DISP3: variants seen among roughly 807,000 people sequenced by gnomAD.
DISP3 encodes the protein protein dispatched homolog 3.
A neutral mutation model predicts 135.3 loss-of-function variants in DISP3; 101 were observed. That is an observed-to-expected ratio of 0.75 (90% confidence interval 0.64 to 0.88). The LOEUF is 0.88. Among genes scored for constraint, DISP3 ranks in the 40% least tolerant of loss-of-function variants. The probability of loss-of-function intolerance (pLI) is 0.00; values close to 1 mark genes in which losing one functional copy is unlikely to be tolerated. For synonymous variants in DISP3, 856 were observed against 817.0 expected, an observed-to-expected ratio of 1.05 and a Z score of -0.81; for missense variants, 1,713 against 1,878.6, an observed-to-expected ratio of 0.91 and a Z score of 1.63.
chr1:11,522,629 G>A (rs866340387), intron 10 of DISP3, among the ~76,000 whole-genome samples: 293 of 25,604 alleles, frequency 0.011, 6 homozygotes, highest in East Asian at 0.023. Flanking sequence ...CCCAGCCAGA[G>A]CCCAGCCAGA....
At position 11,501,397 on chromosome 1, in the gene DISP3, G is replaced by A; in HGVS notation, c.405G>A (p.Arg135=). The change falls in exon 2 of 21, where the codon CGG becomes CGA. Residue 135 remains arginine (R), a synonymous_variant. Coordinates refer to ENST00000294484, the MANE Select transcript of DISP3 (RefSeq NM_020780.2). The surrounding 1 kb of genome is among the most constrained non-coding windows in gnomAD (Gnocchi z 4.9). ...ALKSQFGSWG[R]NRRDLADFTS... ...AGTCCCAGTTTGGATCCTGGGGGCG[G>A]AACCGGCGCGATTTGGCCGACTTCA... 1 of 1,600,454 alleles carries A rather than the reference G, an allele frequency of 6.2e-7. No homozygotes were observed. The highest frequency in any genetic ancestry group is 8.5e-7 in the Non-Finnish European group (1 of 1,173,598).
Position 11,536,211 on chromosome 1 carries a change from A to C in DISP3, c.3817-113A>C. The C allele has an allele frequency of 7.0e-7, 1 of 1,425,648 alleles. No individual in the cohort carries two copies. The highest frequency in any genetic ancestry group is 9.2e-7 in the Non-Finnish European group (1 of 1,083,404). 88.3% of individuals were successfully genotyped at this position (1,425,648 alleles called of 1,614,324 possible). ...CCCTGGGAGGCCACTTGCAGCTCTC[A>C]TCCCAGTAACAGAGCAGGAACCTGG... On this transcript the variant is annotated intron_variant, in intron 20 of 20. Transcript: ENST00000294484. This position sits in a 1 kb window ranked among gnomAD's most constrained non-coding sequence, Gnocchi z 4.3.
intron 1 of DISP3, among the ~76,000 whole-genome samples, chr1:11,487,593 C>T (rs1415055370): frequency 6.6e-6 from 1 of 152,248 alleles, no homozygotes. Context: ...GCTTATTTCT[C>T]CCTCTGCAGA....
At chr1:11,532,011 A>AG (rs796782948) in intron 17 of DISP3, among the ~76,000 whole-genome samples, 14 of 152,112 alleles carry the variant, frequency 9.2e-5, no homozygotes, top group African/African-American at 3.4e-4. Context: ...TCTGGTCTGT[A>AG]GGGGCCGGTG....
chr1:11,531,660 G>A lies in DISP3; in HGVS notation c.3325G>A (p.Val1109Met), dbSNP rs1485854308. The change falls in exon 17 of 21, where the codon GTG becomes ATG. Residue 1109 changes from valine to methionine, a missense_variant. By Grantham distance (21) the Val-to-Met change is conservative. This residue lies in a region of DISP3 where 1,142 missense variants were observed against 1,384.6 expected (regional missense o/e 0.82). Coordinates refer to ENST00000294484, the MANE Select transcript of DISP3 (RefSeq NM_020780.2). The surrounding 1 kb of genome is among the most constrained non-coding windows in gnomAD (Gnocchi z 5.2). ...LLPGQLSHGA[V>M]GVREGRVQWI... Reference sequence around the variant, plus strand: ...CCCGGGGCAGCTGTCCCACGGGGCAGTGGGCGTCAGGGAGGGCCGCGTGCA... The same window carrying A: ...CCCGGGGCAGCTGTCCCACGGGGCAATGGGCGTCAGGGAGGGCCGCGTGCA... 3 of 1,612,816 alleles carry A rather than the reference G, an allele frequency of 1.9e-6. No individual in the cohort carries two copies. The highest frequency in any genetic ancestry group is 1.3e-5 in the African/African-American group (1 of 74,918).
chr1:11,528,837 A>C (rs1181014583), intron 13 of DISP3, among the ~76,000 whole-genome samples: 1 of 152,180 alleles, frequency 6.6e-6, no homozygotes, highest in East Asian at 1.9e-4. Flanking sequence ...GGAGTGTCAA[A>C]CACCCACAGG....
At chr1:11,528,529 A>C (rs973514836) in intron 13 of DISP3, among the ~76,000 whole-genome samples, 2 of 152,212 alleles carry the variant, frequency 1.3e-5, no homozygotes, top group Non-Finnish European at 2.9e-5. Context: ...CGAGCTGTCT[A>C]GTGGGAGACA....
At chr1:11,528,562 A>G (rs1035800152) in intron 13 of DISP3, among the ~76,000 whole-genome samples, 1 of 152,228 alleles carries the variant, frequency 6.6e-6, no homozygotes, top group Non-Finnish European at 1.5e-5. Context: ...GTAAACAGCG[A>G]TATCATTACA....
chr1:11,532,926 G>C (rs1306858779), intron 17 of DISP3, among the ~76,000 whole-genome samples: 1 of 151,970 alleles, frequency 6.6e-6, no homozygotes, highest in Non-Finnish European at 1.5e-5. Context: ...GGCGGGTCTC[G>C]AACTCCTGAC....
At chr1:11,514,604 T>C in intron 4 of DISP3, 78 bp downstream of exon 4, 1 of 1,510,242 alleles carries the variant, frequency 6.6e-7, no homozygotes, top group Non-Finnish European at 9.1e-7. Flanking sequence ...TTCTCAAGAA[T>C]GCTGCAATAC....
intron 3 of DISP3, among the ~76,000 whole-genome samples, chr1:11,505,819 T>C (rs1307939901): frequency 6.6e-6 from 1 of 152,254 alleles, no homozygotes; most frequent in Non-Finnish European, 1.5e-5. Flanking sequence ...TGTGTTCATT[T>C]ATATTTATTC....
intron 1 of DISP3, among the ~76,000 whole-genome samples, chr1:11,490,949 C>G (rs1641166664): frequency 6.6e-6 from 1 of 152,284 alleles, no homozygotes; most frequent in South Asian, 2.1e-4. Context: ...GATAGTAAGC[C>G]CTTGGACTTC....
Position 11,491,350 on chromosome 1 carries a change from G to A in DISP3, c.-3-9640G>A, listed in dbSNP as rs748560728. 6.6e-6 allele frequency among the ~76,000 whole-genome samples: 1 copy of A among 152,162 alleles called. No individual in the cohort carries two copies. The highest frequency in any genetic ancestry group is 1.5e-5 in the Non-Finnish European group (1 of 68,034). Reference sequence around the variant, plus strand: ...TTGGGCATGGTGGCTGACACCTACTGTAATTCCAACAGTTTGGGAGACTGG... The same window carrying A: ...TTGGGCATGGTGGCTGACACCTACTATAATTCCAACAGTTTGGGAGACTGG... On this transcript the variant is annotated intron_variant, in intron 1 of 20. Coordinates refer to ENST00000294484, the MANE Select transcript of DISP3 (RefSeq NM_020780.2). This position sits in a 1 kb window ranked among gnomAD's most constrained non-coding sequence, Gnocchi z 4.3.
At position 11,531,645 on chromosome 1, in the gene DISP3, C is replaced by G; in HGVS notation, c.3310C>G (p.Leu1104Val). The G allele has an allele frequency of 6.2e-7, 1 of 1,613,306 alleles. No homozygotes were observed. The highest frequency in any genetic ancestry group is 8.5e-7 in the Non-Finnish European group (1 of 1,179,828). Residue 1104 changes from leucine (L) to valine (V), a missense_variant, in exon 17 of 21, where the codon CTG (leucine) becomes GTG (valine). Transcript: ENST00000294484. The surrounding 1 kb of genome is among the most constrained non-coding windows in gnomAD (Gnocchi z 5.2). ...CGAGCCCAACCTGCTCCCGGGGCAG[C>G]TGTCCCACGGGGCAGTGGGCGTCAG... is the stretch of plus-strand genomic sequence containing the variant. Reference protein sequence around the residue: ...LPEPNLLPGQLSHGAVGVREG... With the variant: ...LPEPNLLPGQVSHGAVGVREG...
At chr1:11,481,423 C>T (rs1283875834) in intron 1 of DISP3, 1 of 152,204 alleles carries the variant, frequency 6.6e-6, no homozygotes, top group Non-Finnish European at 1.5e-5. Flanking sequence ...CTGGAACCCC[C>T]CTCGAGATCT....
intron 12 of DISP3, among the ~76,000 whole-genome samples, chr1:11,526,057 C>T (rs928233360): frequency 6.6e-6 from 1 of 152,184 alleles, no homozygotes; most frequent in Non-Finnish European, 1.5e-5. Flanking sequence ...GGTACACACC[C>T]TCCATGGTGA....
chr1:11,485,019 T>TTTC (rs1364829646), intron 1 of DISP3, among the ~76,000 whole-genome samples: 1 of 152,040 alleles, frequency 6.6e-6, no homozygotes, highest in Non-Finnish European at 1.5e-5. Context: ...CCATTGAAAG[T>TTTC]AATGGCAAAA....
rs144083231 is a variant in DISP3, at chr1:11,528,867, G to C, written c.2799-689G>C. On this transcript the variant is annotated intron_variant, in intron 13 of 20. Coordinates refer to ENST00000294484, the MANE Select transcript of DISP3 (RefSeq NM_020780.2). Reference sequence around the variant, plus strand: ...CACAGGAGCCTGAACTCTGCATGGGGCTGAGGGCTGCAGCTTGGAGGCCAG... The same window carrying C: ...CACAGGAGCCTGAACTCTGCATGGGCCTGAGGGCTGCAGCTTGGAGGCCAG... Among the ~76,000 whole-genome samples the C allele has an allele frequency of 8.5e-5, 13 of 152,340 alleles. 1 individual carries two copies. The East Asian group carries it at 2.5e-3, about 29-fold the overall frequency.
At position 11,531,798 on chromosome 1, in the gene DISP3, G is replaced by C. The variant is rs1642583653; in HGVS notation, c.3375+88G>C. The C allele has an allele frequency of 2.7e-6, 4 of 1,491,986 alleles. No homozygotes were observed. Among genetic ancestry groups the C allele is most frequent in the African/African-American group, 1.4e-5 (1 of 71,362 alleles). 92.4% of individuals were successfully genotyped at this position (1,491,986 alleles called of 1,614,324 possible). A position where few individuals can be genotyped will look rare whatever the true frequency, so the allele number is the denominator to read the frequency against. ...ATCCCAGCCCTCTTCCCAGATCGGG[G>C]GGGAGATGCTGAGGCCCAGAGAGGT... On this transcript the variant is annotated intron_variant, in intron 17 of 20. Coordinates refer to ENST00000294484, the MANE Select transcript of DISP3 (RefSeq NM_020780.2). This position sits in a 1 kb window ranked among gnomAD's most constrained non-coding sequence, Gnocchi z 5.2.
Sources: allele counts gnomAD v4.1 joint callset (sites outside exome capture counted in the v4.1 genomes callset), GRCh38; gene constraint gnomAD v4.1.1; regional missense constraint gnomAD v4.1.1; non-coding constraint Gnocchi (gnomAD v3.1); transcripts MANE v1.5; gene names NCBI Gene and HGNC (gene_info 2026-07-23, HGNC 2026-07-21).